The following CYP24A1 variants were observed in gnomAD, a reference collection of about 807,000 sequenced individuals.
CYP24A1 encodes the protein cytochrome P450 family 24 subfamily A member 1.
Under a neutral mutation model 62.4 loss-of-function variants are expected in CYP24A1, and 68 were observed. The ratio of observed to expected loss-of-function variants is 1.09; its 90% CI spans 0.90 to 1.33. The LOEUF (loss-of-function observed/expected upper bound fraction) is 1.33. Among genes scored for constraint, CYP24A1 ranks in the 40% most tolerant of loss-of-function variants. CYP24A1 has a pLI of 0.00. For missense variants in CYP24A1, 787 were observed against 653.0 expected, an observed-to-expected ratio of 1.21 and a Z score of -2.24; for synonymous variants, 267 against 253.0, an observed-to-expected ratio of 1.06 and a Z score of -0.52.
rs1237051582 is a variant in CYP24A1 at position 54,173,461 on chromosome 20, T to C, written c.119A>G (p.Glu40Gly). The C allele has an allele frequency of 3.8e-6, 6 of 1,566,620 alleles. No individual in the cohort carries two copies. The highest frequency in any genetic ancestry group is 5.2e-6 in the Non-Finnish European group (6 of 1,155,924). ...AGCTGTCAGCGGGCAGACTGGCACC[T>C]CTCGCGGCTGAGGGGACGTGTACGC... ...STAYTSPQPREVPVCPLTAGG... is the reference protein window; with the variant it reads ...STAYTSPQPRGVPVCPLTAGG... The change falls in exon 1 of 12, where the codon GAG (glutamate) becomes GGG (glycine). Residue 40 changes from glutamate (E) to glycine (G), a missense_variant. Physicochemically the swap from Glu to Gly is moderately conservative, Grantham distance 98. Coordinates refer to ENST00000216862, the MANE Select transcript of CYP24A1 (RefSeq NM_000782.5). The surrounding 1 kb of genome is among the most constrained non-coding windows in gnomAD (Gnocchi z 7.2).
At chr20:54,154,826 A>G (rs1354259994) in intron 11 of CYP24A1, 65 bp from the exon 12 acceptor site, 1 of 151,960 alleles carries the variant, frequency 6.6e-6, no homozygotes, top group African/African-American at 2.4e-5. Context: ...CCTGGGCCTA[A>G]ATATTCTTTA....
chr20:54,172,746 A>G, intron 2 of CYP24A1, 163 bp downstream of exon 2: 1 of 1,481,068 alleles, frequency 6.8e-7, no homozygotes, highest in South Asian at 1.3e-5. Context: ...TAATCTGTAC[A>G]AGAGCTCAGG....
At chr20:54,148,355 TACACAGAC>T in the CYP24A1 span, among the ~76,000 whole-genome samples, 18 of 100,132 alleles carry the variant, frequency 1.8e-4, no homozygotes, top group African/African-American at 5.3e-4. Context: ...TCTTTCTACA[TACACAGAC>T]ACACAGACAC....
At chr20:54,143,621 T>C in the CYP24A1 span, among the ~76,000 whole-genome samples, 1 of 152,132 alleles carries the variant, frequency 6.6e-6, no homozygotes, top group African/African-American at 2.4e-5. Flanking sequence ...AGTAAGTTCT[T>C]TAATGGTGAT....
chr20:54,172,642 T>C (rs571161799), intron 2 of CYP24A1, among the ~76,000 whole-genome samples: 11 of 152,360 alleles, frequency 7.2e-5, no homozygotes, highest in African/African-American at 1.9e-4. Flanking sequence ...AACCCTGTTT[T>C]GGCGTTTCTT....
At chr20:54,162,212 G>T (rs1231839540) in intron 7 of CYP24A1, among the ~76,000 whole-genome samples, 1 of 129,262 alleles carries the variant, frequency 7.7e-6, no homozygotes, top group Non-Finnish European at 1.6e-5. Context: ...GCTTGAAAGA[G>T]AGTATGCCTT....
downstream of CYP24A1, among the ~76,000 whole-genome samples, chr20:54,150,588 A>G (rs1031100162): frequency 6.6e-6 from 1 of 152,160 alleles, no homozygotes; most frequent in African/African-American, 2.4e-5. Flanking sequence ...GGCCTCCCAA[A>G]GTGCTGGAAT....
At chr20:54,149,459 A>G (rs1347988510), downstream of CYP24A1, among the ~76,000 whole-genome samples, 1 of 152,178 alleles carries the variant, frequency 6.6e-6, no homozygotes, top group Non-Finnish European at 1.5e-5. Flanking sequence ...AATAATATAT[A>G]TGGAATTCAG....
chr20:54,148,397 C>CACAT, the CYP24A1 span, among the ~76,000 whole-genome samples: 1 of 151,518 alleles, frequency 6.6e-6, no homozygotes, highest in African/African-American at 2.4e-5. Context: ...CACACACACA[C>CACAT]ACACACACAC....
At chr20:54,172,330 A>G (rs2092696850) in intron 2 of CYP24A1, among the ~76,000 whole-genome samples, 1 of 152,216 alleles carries the variant, frequency 6.6e-6, no homozygotes, top group African/African-American at 2.4e-5. Context: ...AAAGGTGCTA[A>G]CTTGTTAAAT....
At chr20:54,153,346 T>C (rs1464767792), downstream of CYP24A1, 1 of 152,246 alleles carries the variant, frequency 6.6e-6, no homozygotes. Flanking sequence ...TTTTGTGATA[T>C]AGGGCTTGTA....
At position 54,173,507 on chromosome 20, in the gene CYP24A1, G is replaced by C. The variant is rs140851407; in HGVS notation, c.73C>G (p.Pro25Ala). The change falls in exon 1 of 12, where the codon CCG (proline) becomes GCG (alanine). Residue 25 changes from proline (P) to alanine (A), a missense_variant. Physicochemically the swap from Pro to Ala is conservative, Grantham distance 27 (BLOSUM62 -1). Coordinates refer to ENST00000216862, the MANE Select transcript of CYP24A1 (RefSeq NM_000782.5). This position sits in a 1 kb window ranked among gnomAD's most constrained non-coding sequence, Gnocchi z 7.2. ...TACGCCGTAGATGTCACCAGTCTCG[G>C]GGGCTGCCTCGGACTGCGCAGCTGC... ...LQQLRSPRQP[P>A]RLVTSTAYTS... The C allele has an allele frequency of 5.1e-5, 80 of 1,569,692 alleles. No homozygotes were observed. Among genetic ancestry groups the C allele is most frequent in the Middle Eastern group, 3.3e-4 (2 of 6,030 alleles).
At chr20:54,145,576 G>T in the CYP24A1 span, among the ~76,000 whole-genome samples, 1 of 150,112 alleles carries the variant, frequency 6.7e-6, no homozygotes, top group Non-Finnish European at 1.5e-5. Flanking sequence ...GGAGGCGGAG[G>T]TTGCAGTGAG....
chr20:54,172,841 A>G (rs1057028964), intron 2 of CYP24A1, 68 bp downstream of exon 2: 1 of 1,609,088 alleles, frequency 6.2e-7, no homozygotes, highest in Admixed American at 1.7e-5. Flanking sequence ...CCGCCTCTTC[A>G]CAATTTCCAG....
At position 54,169,694 on chromosome 20, in the gene CYP24A1, A is replaced by T; in HGVS notation, c.544-6T>A. On this transcript the variant is annotated splice_polypyrimidine_tract_variant and splice_region_variant and intron_variant, in intron 3 of 11. Coordinates refer to ENST00000216862, the MANE Select transcript of CYP24A1 (RefSeq NM_000782.5). ...CCCATAAAATCGGCCAAGACCTTCA[A>T]AGAAAACAACCGCAAAAGACACATT... is the stretch of plus-strand genomic sequence containing the variant. 1 of 1,614,088 alleles carries T rather than the reference A, an allele frequency of 6.2e-7. No homozygotes were observed. The highest frequency in any genetic ancestry group is 8.5e-7 in the Non-Finnish European group (1 of 1,180,000).
In CYP24A1 at chr20:54,173,626, G is replaced by A. The variant is rs1370594551; in HGVS notation, c.-47C>T. ...GCGGGAAGGCAGGAGGATGGGGTGG[G>A]GCGAGGTTGGTACGAGGTGCTAGTG... On this transcript the variant is annotated 5_prime_UTR_variant, in exon 1 of 12. Coordinates refer to ENST00000216862, the MANE Select transcript of CYP24A1 (RefSeq NM_000782.5). The surrounding 1 kb of genome is among the most constrained non-coding windows in gnomAD (Gnocchi z 7.2). 6.9e-7 allele frequency: 1 copy of A among 1,459,414 alleles called. No homozygotes were observed. The highest frequency in any genetic ancestry group is 9.3e-7 in the Non-Finnish European group (1 of 1,074,248). The allele number at this position is 1,459,414 out of a possible 1,614,324, so 90.4% of individuals were successfully genotyped here. A position where few individuals can be genotyped will look rare whatever the true frequency, so the allele number is the denominator to read the frequency against.
At position 54,167,938 on chromosome 20, in the gene CYP24A1, C is replaced by T. The variant is rs181328557; in HGVS notation, c.640+1654G>A. Among the ~76,000 whole-genome samples the T allele has an allele frequency of 9.1e-4, 138 of 152,342 alleles. 1 individual carries two copies. The highest frequency in any genetic ancestry group is 3.0e-3 in the African/African-American group (125 of 41,572). On this transcript the variant is annotated intron_variant, in intron 4 of 11. Transcript: ENST00000216862. The stretch of plus-strand genomic sequence containing the variant: ...ATCACACTGCTGCTGAATACATTCC[C>T]GCAGCTCCCGGTTACTTACAGGCTA...
chr20:54,171,194 A>G (rs111244007), intron 3 of CYP24A1, among the ~76,000 whole-genome samples: 2,443 of 152,332 alleles, frequency 0.016, 26 homozygotes, highest in Middle Eastern at 0.034. Flanking sequence ...TAATTCTCAC[A>G]GCAAACCCGT....
chr20:54,148,139 A>G, the CYP24A1 span, among the ~76,000 whole-genome samples: 101,750 of 151,868 alleles, frequency 0.67, 35,390 homozygotes, highest in African/African-American at 0.86. Context: ...CCCGGCCTGC[A>G]CCCAGTTCTT....
Sources: gnomAD v4.1 joint callset for allele counts (sites outside exome capture counted in the v4.1 genomes callset) on GRCh38, gnomAD v4.1.1 for gene constraint, Gnocchi (gnomAD v3.1) non-coding constraint, MANE v1.5 for transcripts, NCBI Gene and HGNC (gene_info 2026-07-23, HGNC 2026-07-21) for gene names.